The following PLCB1 variants were observed in gnomAD, a reference collection of about 807,000 sequenced individuals.
PLCB1 encodes the protein 1-phosphatidylinositol 4,5-bisphosphate phosphodiesterase beta-1.
A neutral mutation model predicts 161.8 loss-of-function variants in PLCB1; 46 were observed. The ratio of observed to expected loss-of-function variants is 0.28; its 90% CI spans 0.22 to 0.36. The LOEUF is 0.36. PLCB1 is among the 10% of genes least tolerant of loss of function. PLCB1 has a pLI of 1.00. For synonymous variants in PLCB1, 517 were observed against 503.7 expected (o/e 1.03, Z -0.35); for missense variants, 1,016 against 1,472.5 (o/e 0.69, Z 5.07).
chr20:8,406,375 G>T (rs1197410060), intron 3 of PLCB1, among the ~76,000 whole-genome samples: 1 of 152,128 alleles, frequency 6.6e-6, no homozygotes, highest in Non-Finnish European at 1.5e-5. Flanking sequence ...GAACATGCAG[G>T]TAATGTTTTA....
At chr20:8,413,428 T>G (rs554385827) in intron 3 of PLCB1, among the ~76,000 whole-genome samples, 1 of 152,346 alleles carries the variant, frequency 6.6e-6, no homozygotes, top group African/African-American at 2.4e-5. Context: ...TGGATTTTTC[T>G]TTTTCAAGTT....
intron 2 of PLCB1, among the ~76,000 whole-genome samples, chr20:8,317,878 A>G (rs1568629757): frequency 6.6e-6 from 1 of 152,046 alleles, no homozygotes; most frequent in Non-Finnish European, 1.5e-5. Flanking sequence ...TAACCCATTC[A>G]TCTTTCTTCT....
intron 3 of PLCB1, among the ~76,000 whole-genome samples, chr20:8,461,000 A>G (rs778353159): frequency 2.6e-5 from 4 of 152,194 alleles, no homozygotes; most frequent in Non-Finnish European, 5.9e-5. Context: ...CACTTGCCCG[A>G]TGTGGTTAAT....
At chr20:8,558,528 C>T (rs537738342) in intron 3 of PLCB1, among the ~76,000 whole-genome samples, 2 of 151,844 alleles carry the variant, frequency 1.3e-5, no homozygotes, top group East Asian at 3.9e-4. Flanking sequence ...TATTTGAAGA[C>T]ATAATGGTTG....
chr20:8,178,440 T>C (rs1292263612), intron 2 of PLCB1, among the ~76,000 whole-genome samples: 1 of 152,224 alleles, frequency 6.6e-6, no homozygotes, highest in Non-Finnish European at 1.5e-5. Context: ...CATGTATTTG[T>C]CTTCTGTTGA....
intron 2 of PLCB1, among the ~76,000 whole-genome samples, chr20:8,188,198 T>C (rs1212064870): frequency 6.6e-6 from 1 of 152,124 alleles, no homozygotes; most frequent in Non-Finnish European, 1.5e-5. Context: ...CTTCTTTTCA[T>C]AGATGGCAAA....
intron 3 of PLCB1, among the ~76,000 whole-genome samples, chr20:8,611,150 G>C (rs558985431): frequency 3.3e-5 from 5 of 151,970 alleles, no homozygotes; most frequent in African/African-American, 1.2e-4. Flanking sequence ...ATGATGAAGT[G>C]GGATAGAGGT....
intron 15 of PLCB1, among the ~76,000 whole-genome samples, chr20:8,723,411 T>A (rs575610572): frequency 2.3e-3 from 343 of 152,304 alleles, no homozygotes; most frequent in South Asian, 0.014. Context: ...CCAGAATTTT[T>A]AAAAGAAACT....
chr20:8,749,715 T>A (rs1227824312), intron 23 of PLCB1, among the ~76,000 whole-genome samples: 1 of 152,186 alleles, frequency 6.6e-6, no homozygotes, highest in South Asian at 2.1e-4. Flanking sequence ...TATGTTCTTT[T>A]ACCCTTTGAT....
intron 10 of PLCB1, among the ~76,000 whole-genome samples, chr20:8,694,769 A>T (rs1412596632): frequency 6.6e-6 from 1 of 152,236 alleles, no homozygotes; most frequent in Non-Finnish European, 1.5e-5. Flanking sequence ...TGATATAGTC[A>T]GTGATGTGCG....
intron 3 of PLCB1, among the ~76,000 whole-genome samples, chr20:8,572,050 A>C (rs182534136): frequency 5.3e-5 from 8 of 152,236 alleles, no homozygotes; most frequent in Non-Finnish European, 1.0e-4. Context: ...AAAATTGTTT[A>C]TTACGAGTTT....
intron 23 of PLCB1, among the ~76,000 whole-genome samples, chr20:8,756,833 G>A (rs773306103): frequency 1.8e-4 from 27 of 152,172 alleles, no homozygotes; most frequent in Admixed American, 5.2e-4. Context: ...ACATAGGTTG[G>A]TGTAAAAATT....
At chr20:8,229,347 C>G (rs769772995) in intron 2 of PLCB1, among the ~76,000 whole-genome samples, 1 of 152,102 alleles carries the variant, frequency 6.6e-6, no homozygotes, top group Non-Finnish European at 1.5e-5. Context: ...TCAACTTGCT[C>G]TGTAAGTTCC....
intron 11 of PLCB1, among the ~76,000 whole-genome samples, chr20:8,704,042 AC>A (rs1221541107): frequency 6.6e-6 from 1 of 152,194 alleles, no homozygotes; most frequent in Non-Finnish European, 1.5e-5. Flanking sequence ...GACAATGAAG[AC>A]AGCCATCATC....
At chr20:8,764,580 C>G (rs920258250) in intron 25 of PLCB1, among the ~76,000 whole-genome samples, 6 of 152,164 alleles carry the variant, frequency 3.9e-5, no homozygotes, top group African/African-American at 1.4e-4. Flanking sequence ...CAGCTCATAA[C>G]TTCTCCTTCT....
At chr20:8,823,238 T>G (rs932619082) in intron 31 of PLCB1, among the ~76,000 whole-genome samples, 4 of 152,230 alleles carry the variant, frequency 2.6e-5, no homozygotes, top group Admixed American at 2.6e-4. Context: ...TTCTCCTGCC[T>G]CAGCCTCCCT....
At chr20:8,152,752 G>A (rs2051522090) in intron 2 of PLCB1, among the ~76,000 whole-genome samples, 1 of 151,958 alleles carries the variant, frequency 6.6e-6, no homozygotes, top group Admixed American at 6.6e-5. Context: ...CTTCCTTTGG[G>A]CTTCTTCCAA....
chr20:8,798,532 A>C (rs1984136234), intron 31 of PLCB1, among the ~76,000 whole-genome samples: 1 of 151,872 alleles, frequency 6.6e-6, no homozygotes, highest in Non-Finnish European at 1.5e-5. Context: ...AGTAACCAGC[A>C]GAAGCTGAGC....
intron 3 of PLCB1, among the ~76,000 whole-genome samples, chr20:8,477,789 G>A (rs921075463): frequency 2.0e-5 from 3 of 152,196 alleles, no homozygotes; most frequent in African/African-American, 7.2e-5. Context: ...CAGGGCGATG[G>A]CGCCAAGACA....
Sources: allele counts gnomAD v4.1 joint callset (sites outside exome capture counted in the v4.1 genomes callset), GRCh38; gene constraint gnomAD v4.1.1; transcripts MANE v1.5; gene names NCBI Gene and HGNC (gene_info 2026-07-23, HGNC 2026-07-21).